The following KLHL1 variants were observed in gnomAD, a reference collection of about 807,000 sequenced individuals.
The protein encoded by KLHL1 is kelch like family member 1, also known as kelch-like protein 1.
A neutral mutation model predicts 77.7 loss-of-function variants in KLHL1; 47 were observed. The observed-to-expected ratio is 0.60, with a 90% confidence interval of 0.48 to 0.77. The LOEUF (loss-of-function observed/expected upper bound fraction) is 0.77, where lower values mean the gene tolerates loss of function less well. Among genes scored for constraint, KLHL1 ranks in the 30% least tolerant of loss-of-function variants. The pLI is 0.00. For synonymous variants in KLHL1, 360 were observed against 325.2 expected (o/e 1.11, Z -1.15); for missense variants, 925 against 910.8 (o/e 1.02, Z -0.20).
chr13:70,020,531 G>A (rs1885762193), intron 1 of KLHL1, among the ~76,000 whole-genome samples: 1 of 151,996 alleles, frequency 6.6e-6, no homozygotes, highest in Admixed American at 6.6e-5. Flanking sequence ...CATAGATATA[G>A]ATCTACTGGC....
intron 1 of KLHL1, among the ~76,000 whole-genome samples, chr13:70,102,686 T>G (rs1274173059): frequency 2.6e-5 from 4 of 152,264 alleles, no homozygotes; most frequent in Admixed American, 2.0e-4. Flanking sequence ...CTAGGAAAAT[T>G]AATTACCCTC....
At chr13:69,876,403 G>T (rs114983893) in intron 5 of KLHL1, among the ~76,000 whole-genome samples, 2,727 of 152,156 alleles carry the variant, frequency 0.018, 38 homozygotes, top group Middle Eastern at 0.044. Context: ...GCATTGCTAT[G>T]ACCACTACAA....
intron 7 of KLHL1, among the ~76,000 whole-genome samples, chr13:69,756,307 G>GAATATTGGGGATGAAT (rs1874733768): frequency 2.0e-5 from 3 of 152,042 alleles, no homozygotes; most frequent in African/African-American, 7.2e-5. Context: ...AATATTGGGG[G>GAATATTGGGGATGAAT]ATAAAATGGA....
At chr13:69,761,911 TAAG>T (rs935991553) in intron 7 of KLHL1, among the ~76,000 whole-genome samples, 7 of 152,192 alleles carry the variant, frequency 4.6e-5, no homozygotes, top group Non-Finnish European at 1.0e-4. Flanking sequence ...TCTAAATTGC[TAAG>T]ATGGTTTATG....
intron 1 of KLHL1, among the ~76,000 whole-genome samples, chr13:70,053,788 C>T: frequency 6.6e-6 from 1 of 152,090 alleles, no homozygotes; most frequent in Non-Finnish European, 1.5e-5. Context: ...TTTATGCTTT[C>T]CTTCCAAGCT....
At chr13:69,816,122 T>G (rs1477868009) in intron 6 of KLHL1, among the ~76,000 whole-genome samples, 1 of 151,988 alleles carries the variant, frequency 6.6e-6, no homozygotes, top group Non-Finnish European at 1.5e-5. Context: ...ATTTTATATA[T>G]TTTCAGTAGA....
chr13:70,106,389 T>C (rs1050134480), intron 1 of KLHL1, among the ~76,000 whole-genome samples: 6 of 152,196 alleles, frequency 3.9e-5, no homozygotes, highest in African/African-American at 1.4e-4. Flanking sequence ...GAGTCAATTC[T>C]CTCAAAATGT....
At chr13:69,821,371 G>C (rs1878329590) in intron 6 of KLHL1, among the ~76,000 whole-genome samples, 1 of 151,986 alleles carries the variant, frequency 6.6e-6, no homozygotes, top group African/African-American at 2.4e-5. Context: ...CTGGAGTGCA[G>C]TGGCCTGATC....
chr13:69,816,120 T>C (rs1466087588), intron 6 of KLHL1, among the ~76,000 whole-genome samples: 3 of 152,012 alleles, frequency 2.0e-5, no homozygotes, highest in African/African-American at 7.2e-5. Flanking sequence ...TAATTTTATA[T>C]ATTTTCAGTA....
chr13:69,732,656 C>CTT (rs34871954), intron 8 of KLHL1, among the ~76,000 whole-genome samples: 1 of 145,722 alleles, frequency 6.9e-6, no homozygotes, highest in African/African-American at 2.5e-5. Context: ...TGTTTGTTTG[C>CTT]TTTTTTTTTT....
At chr13:69,743,522 C>G (rs141223959) in intron 7 of KLHL1, among the ~76,000 whole-genome samples, 2 of 152,238 alleles carry the variant, frequency 1.3e-5, no homozygotes, top group African/African-American at 4.8e-5. Context: ...TGGTGGCTCA[C>G]GCCAGTAATC....
rs1318511365 is a variant in KLHL1, at chr13:69,795,512, TCTC to T, written c.1639+1223_1639+1225del. ...TCTTTAAAAGAAAGTAATTTGTACTTCTCCTTACAATCCTCATAAGACAAAGTG... is the reference window on the plus strand; with the variant it reads ...TCTTTAAAAGAAAGTAATTTGTACTTCTTACAATCCTCATAAGACAAAGTG... On this transcript the variant is annotated intron_variant, in intron 7 of 10. Coordinates refer to ENST00000377844, the MANE Select transcript of KLHL1 (RefSeq NM_020866.3). Among the ~76,000 whole-genome samples, 6 of 152,330 alleles carry T rather than the reference TCTC, an allele frequency of 3.9e-5. No individual in the cohort carries two copies. In the East Asian group the frequency reaches 7.7e-4, roughly 20 times the overall value.
chr13:70,071,605 G>A (rs1593719764), intron 1 of KLHL1, among the ~76,000 whole-genome samples: 2 of 151,016 alleles, frequency 1.3e-5, no homozygotes, highest in Admixed American at 1.3e-4. Flanking sequence ...ATCAAAAAAA[G>A]AAAAAAATCA....
intron 9 of KLHL1, among the ~76,000 whole-genome samples, chr13:69,714,179 A>AC (rs1194449821): frequency 1.3e-5 from 2 of 152,190 alleles, no homozygotes; most frequent in Non-Finnish European, 2.9e-5. Context: ...ATGCAAAAAA[A>AC]ATTTTAAAGT....
intron 7 of KLHL1, among the ~76,000 whole-genome samples, chr13:69,771,851 A>C (rs1267600798): frequency 6.6e-6 from 1 of 152,250 alleles, no homozygotes; most frequent in Non-Finnish European, 1.5e-5. Context: ...ATGCGAATCA[A>C]AATGTGGAGA....
At chr13:69,715,552 G>T (rs1269691351) in intron 9 of KLHL1, among the ~76,000 whole-genome samples, 3 of 149,044 alleles carry the variant, frequency 2.0e-5, no homozygotes, top group Non-Finnish European at 4.4e-5. Flanking sequence ...ACGGAATCTC[G>T]CTCTGTTGCC....
intron 1 of KLHL1, among the ~76,000 whole-genome samples, chr13:69,995,881 C>T (rs1202411440): frequency 6.6e-6 from 1 of 151,970 alleles, no homozygotes; most frequent in African/African-American, 2.4e-5. Context: ...ATTGAGGTCT[C>T]GACCCACACA....
chr13:69,778,792 CTTT>C (rs1172258314), intron 7 of KLHL1, among the ~76,000 whole-genome samples: 21 of 99,190 alleles, frequency 2.1e-4, no homozygotes, highest in African/African-American at 8.4e-4. Flanking sequence ...TATTCCCTCT[CTTT>C]TTTTTTTTTT....
chr13:69,997,743 T>C (rs2137321484), intron 1 of KLHL1, among the ~76,000 whole-genome samples: 1 of 147,914 alleles, frequency 6.8e-6, no homozygotes, highest in Non-Finnish European at 1.5e-5. Flanking sequence ...AACATATTTA[T>C]ATTATATGAA....
Sources: allele counts gnomAD v4.1 joint callset (sites outside exome capture counted in the v4.1 genomes callset), GRCh38; gene constraint gnomAD v4.1.1; transcripts MANE v1.5; gene names NCBI Gene and HGNC (gene_info 2026-07-23, HGNC 2026-07-21).